Variants in PHACTR1 observed in about 807,000 individuals in gnomAD.
PHACTR1 encodes the protein RPEL repeat containing 1.
In PHACTR1, 16 loss-of-function variants were observed where a neutral mutation model predicts 69.2. That is an observed-to-expected ratio of 0.23 (90% confidence interval 0.16 to 0.35). The LOEUF (loss-of-function observed/expected upper bound fraction) is 0.35. PHACTR1 is among the 10% of genes least tolerant of loss of function. The pLI is 1.00. For missense variants in PHACTR1, 510 were observed against 734.7 expected, an observed-to-expected ratio of 0.69 and a Z score of 3.54; for synonymous variants, 312 against 284.5, an observed-to-expected ratio of 1.10 and a Z score of -0.97.
intron 4 of PHACTR1, among the ~76,000 whole-genome samples, chr6:12,912,158 T>G (rs1786487433): frequency 6.6e-6 from 1 of 152,126 alleles, no homozygotes. Flanking sequence ...CCACCATGCC[T>G]GGCTAATTTT....
At chr6:12,918,038 A>G (rs1787207184) in intron 4 of PHACTR1, among the ~76,000 whole-genome samples, 1 of 152,220 alleles carries the variant, frequency 6.6e-6, no homozygotes, top group Non-Finnish European at 1.5e-5. Context: ...AACAGATACA[A>G]TGACAACAGG....
At chr6:12,821,902 G>A (rs1776267218) in intron 4 of PHACTR1, among the ~76,000 whole-genome samples, 1 of 152,208 alleles carries the variant, frequency 6.6e-6, no homozygotes, top group African/African-American at 2.4e-5. Flanking sequence ...TCACAGGCTT[G>A]ACTGCGTCTT....
chr6:12,950,330 A>ACATTG, intron 4 of PHACTR1, among the ~76,000 whole-genome samples: 1 of 152,238 alleles, frequency 6.6e-6, no homozygotes, highest in Non-Finnish European at 1.5e-5. Context: ...GAGAGAAGCT[A>ACATTG]CATTGCCTTT....
intron 3 of PHACTR1, among the ~76,000 whole-genome samples, chr6:12,729,824 G>A (rs1021427274): frequency 6.6e-6 from 1 of 152,186 alleles, no homozygotes; most frequent in Non-Finnish European, 1.5e-5. Flanking sequence ...TTCAAAAGGG[G>A]AGAGGATTCT....
intron 4 of PHACTR1, among the ~76,000 whole-genome samples, chr6:12,842,126 G>GA (rs1052106525): frequency 1.3e-5 from 2 of 152,126 alleles, no homozygotes; most frequent in African/African-American, 2.4e-5. Context: ...AATAACATTG[G>GA]AAAAAAATCT....
At chr6:12,897,946 T>C (rs1831706) in intron 4 of PHACTR1, among the ~76,000 whole-genome samples, 9,301 of 152,192 alleles carry the variant, frequency 0.061, 351 homozygotes, top group Admixed American at 0.1. Context: ...CTCCCATTTA[T>C]AAGTGAGAAC....
At chr6:12,938,934 A>T (rs1221325004) in intron 4 of PHACTR1, among the ~76,000 whole-genome samples, 1 of 152,182 alleles carries the variant, frequency 6.6e-6, no homozygotes, top group Non-Finnish European at 1.5e-5. Flanking sequence ...GTATGGATAT[A>T]CCACAATTTG....
chr6:13,124,162 C>T (rs191248012), intron 5 of PHACTR1, among the ~76,000 whole-genome samples: 1 of 152,174 alleles, frequency 6.6e-6, no homozygotes, highest in Non-Finnish European at 1.5e-5. Context: ...CTAAGCAGGT[C>T]TCCCTCCCCA....
At chr6:12,792,260 T>A (rs1772381411) in intron 4 of PHACTR1, among the ~76,000 whole-genome samples, 1 of 150,590 alleles carries the variant, frequency 6.6e-6, no homozygotes, top group Admixed American at 6.6e-5. Context: ...AGGTCGGGAG[T>A]TCGAGACCAG....
chr6:12,985,758 C>T (rs923945420), intron 4 of PHACTR1, among the ~76,000 whole-genome samples: 3 of 151,560 alleles, frequency 2.0e-5, no homozygotes, highest in Non-Finnish European at 4.4e-5. Context: ...GTAGATGAAT[C>T]CCATAAACAT....
chr6:12,951,461 G>A (rs2127553983), intron 4 of PHACTR1, among the ~76,000 whole-genome samples: 1 of 152,300 alleles, frequency 6.6e-6, no homozygotes, highest in Non-Finnish European at 1.5e-5. Context: ...AAAAGAAAAG[G>A]GGGGAGTTAT....
At chr6:12,732,674 G>A (rs1413550445) in intron 3 of PHACTR1, among the ~76,000 whole-genome samples, 3 of 151,794 alleles carry the variant, frequency 2.0e-5, no homozygotes, top group Admixed American at 2.0e-4. Context: ...TTTTATGGCT[G>A]TGTAGTATTC....
intron 10 of PHACTR1, among the ~76,000 whole-genome samples, chr6:13,250,526 G>A (rs2127395613): frequency 6.6e-6 from 1 of 152,364 alleles, no homozygotes; most frequent in South Asian, 2.1e-4. Flanking sequence ...GCTCAGCTCA[G>A]CTGCCGGCCA....
chr6:12,945,829 T>C (rs1790606700), intron 4 of PHACTR1, among the ~76,000 whole-genome samples: 1 of 151,852 alleles, frequency 6.6e-6, no homozygotes, highest in East Asian at 1.9e-4. Flanking sequence ...CCAGGCGTAG[T>C]GGTGGGTGCC....
chr6:12,961,935 G>A (rs1043412200), intron 4 of PHACTR1, among the ~76,000 whole-genome samples: 1 of 151,834 alleles, frequency 6.6e-6, no homozygotes, highest in African/African-American at 2.4e-5. Context: ...TGTTGTTTTT[G>A]TTTTTGGTTT....
chr6:12,992,472 G>C (rs982063038), intron 4 of PHACTR1, among the ~76,000 whole-genome samples: 1 of 152,138 alleles, frequency 6.6e-6, no homozygotes, highest in Non-Finnish European at 1.5e-5. Context: ...AGGTTCCATA[G>C]ACATCTCCCA....
chr6:12,933,883 G>A (rs760490424), intron 4 of PHACTR1: 2 of 1,612,542 alleles, frequency 1.2e-6, no homozygotes, highest in East Asian at 4.5e-5. Context: ...AGGGGGAAGA[G>A]TTTGGCTGAG....
chr6:13,124,923 A>G (rs1344405059), intron 5 of PHACTR1, among the ~76,000 whole-genome samples: 1 of 152,228 alleles, frequency 6.6e-6, no homozygotes, highest in African/African-American at 2.4e-5. Context: ...GAGAGGACAA[A>G]AATGGCCAGT....
chr6:13,144,689 C>T (rs1823030182), intron 5 of PHACTR1, among the ~76,000 whole-genome samples: 1 of 151,000 alleles, frequency 6.6e-6, no homozygotes, highest in Non-Finnish European at 1.5e-5. Context: ...TTGCCTGAGC[C>T]CGGGAAGTGG....
Sources: allele counts gnomAD v4.1 joint callset (sites outside exome capture counted in the v4.1 genomes callset), GRCh38; gene constraint gnomAD v4.1.1; transcripts MANE v1.5; gene names NCBI Gene and HGNC (gene_info 2026-07-23, HGNC 2026-07-21).